The following NRG3 variants were observed in gnomAD, a reference collection of about 807,000 sequenced individuals.
NRG3 encodes the protein neuregulin 3, also known as pro-neuregulin-3, membrane-bound isoform.
In NRG3, 31 loss-of-function variants were observed where a neutral mutation model predicts 66.9. That is an observed-to-expected ratio of 0.46 (90% CI 0.35 to 0.63). NRG3 has a LOEUF of 0.63. Among genes scored for constraint, NRG3 ranks in the 20% least tolerant of loss-of-function variants. The probability of loss-of-function intolerance (pLI) is 0.00; values close to 1 mark genes in which losing one functional copy is unlikely to be tolerated. For synonymous variants in NRG3, 393 were observed against 359.4 expected (o/e 1.09, Z -1.06); for missense variants, 910 against 878.9 (o/e 1.04, Z -0.45).
At position 82,388,868 on chromosome 10, in the gene NRG3, T is replaced by A. The variant is rs186552656; in HGVS notation, c.953+30000T>A. Among the ~76,000 whole-genome samples, 735 of 152,308 alleles carry A rather than the reference T, an allele frequency of 4.8e-3. 16 individuals carry two copies. The highest frequency in any genetic ancestry group is 0.035 in the Admixed American group (528 of 15,280). ...TACCATCGGCATCAAAGTCATTTGC[T>A]GGAGTGTGTTAAAATAAATATTTTC... On this transcript the variant is annotated intron_variant, in intron 2 of 8. Coordinates refer to ENST00000372141, the MANE Select transcript of NRG3 (RefSeq NM_001010848.4).
In NRG3 at chr10:82,958,706, T is replaced by A. The variant is rs12413859; in HGVS notation, c.1158-243T>A. On this transcript the variant is annotated intron_variant, in intron 5 of 8. Transcript: ENST00000372141. ...ATGGGGGCCAGGGCAATGCACTAAA[T>A]GTTTGTCTGCTTTTGGGGTGCCACT... Among the ~76,000 whole-genome samples the A allele has an allele frequency of 3.8e-3, 572 of 152,316 alleles. 14 individuals are homozygous for A. Among genetic ancestry groups the A allele is most frequent in the Admixed American group, 0.03 (465 of 15,294 alleles).
At chr10:82,793,070 T>C (rs1423817415) in intron 3 of NRG3, among the ~76,000 whole-genome samples, 2 of 152,142 alleles carry the variant, frequency 1.3e-5, no homozygotes, top group Non-Finnish European at 2.9e-5. Context: ...GGGTTTTTTA[T>C]TTTGGTTTTT....
rs1481798669 is a variant in NRG3, at chr10:82,586,828, A to G, written c.954-151749A>G. Among the ~76,000 whole-genome samples, 4 of 152,194 alleles carry G rather than the reference A, an allele frequency of 2.6e-5. No homozygotes were observed. In the East Asian group the frequency reaches 5.8e-4, roughly 22 times the overall value. On this transcript the variant is annotated intron_variant, in intron 2 of 8. Transcript: ENST00000372141. ...GCTCAGGCTTGTAGAATTTATGTAT[A>G]TTGTTAACAATTTTAATGATTTTGA...
At chr10:82,789,464 G>C (rs1340021650) in intron 3 of NRG3, among the ~76,000 whole-genome samples, 1 of 151,988 alleles carries the variant, frequency 6.6e-6, no homozygotes, top group African/African-American at 2.4e-5. Flanking sequence ...ATTATTTGAA[G>C]TTTATTTTGC....
chr10:82,656,050 G>A (rs959409414), intron 2 of NRG3, among the ~76,000 whole-genome samples: 1 of 152,168 alleles, frequency 6.6e-6, no homozygotes, highest in Non-Finnish European at 1.5e-5. Context: ...AGGATAGTCA[G>A]GAAACTGTTA....
At chr10:82,373,340 C>T (rs922307937) in intron 2 of NRG3, among the ~76,000 whole-genome samples, 2 of 152,174 alleles carry the variant, frequency 1.3e-5, no homozygotes, top group Non-Finnish European at 2.9e-5. Context: ...AGCTGTAGAC[C>T]ATTAAACAAA....
intron 2 of NRG3, among the ~76,000 whole-genome samples, chr10:82,586,966 T>A (rs2046711958): frequency 6.6e-6 from 1 of 152,210 alleles, no homozygotes. Context: ...TCATGTTTTT[T>A]AAATGATACT....
intron 2 of NRG3, among the ~76,000 whole-genome samples, chr10:82,713,119 CAAAAAAAAAA>C (rs369968319): frequency 2.0e-4 from 11 of 55,346 alleles, no homozygotes; most frequent in African/African-American, 7.5e-4. Flanking sequence ...GACTTCATCT[CAAAAAAAAAA>C]AAAAAAAAAA....
At position 82,421,528 on chromosome 10, in the gene NRG3, A is replaced by T. The variant is rs1158834352; in HGVS notation, c.953+62660A>T. 2.0e-5 allele frequency among the ~76,000 whole-genome samples: 3 copies of T among 152,098 alleles called. No individual in the cohort carries two copies. In the East Asian group the frequency reaches 5.8e-4, roughly 29 times the overall value. Reference sequence around the variant, plus strand: ...AAAAAAAAAGTCTATTATGTAAGAGATCTGGATCACCCCCAGCAGATGTAG... The same window carrying T: ...AAAAAAAAAGTCTATTATGTAAGAGTTCTGGATCACCCCCAGCAGATGTAG... On this transcript the variant is annotated intron_variant, in intron 2 of 8. Transcript: ENST00000372141.
chr10:82,924,429 G>T (rs1846776416), intron 4 of NRG3, among the ~76,000 whole-genome samples: 1 of 152,112 alleles, frequency 6.6e-6, no homozygotes, highest in Non-Finnish European at 1.5e-5. Flanking sequence ...CGGTGGTAAT[G>T]AGGAAGGGGT....
chr10:82,248,931 G>A (rs1426566200), intron 1 of NRG3, among the ~76,000 whole-genome samples: 1 of 152,046 alleles, frequency 6.6e-6, no homozygotes, highest in African/African-American at 2.4e-5. Context: ...CAGTACTGAT[G>A]TCTCCCTTCC....
chr10:82,662,761 T>A (rs1410868600), intron 2 of NRG3, among the ~76,000 whole-genome samples: 1 of 152,130 alleles, frequency 6.6e-6, no homozygotes, highest in African/African-American at 2.4e-5. Context: ...AGGGTAGAAG[T>A]ACATCTCTCC....
intron 1 of NRG3, among the ~76,000 whole-genome samples, chr10:82,273,626 TA>T (rs1422109699): frequency 6.6e-6 from 1 of 152,010 alleles, no homozygotes; most frequent in Non-Finnish European, 1.5e-5. Context: ...ATATCCATTT[TA>T]AAAAATTTTC....
chr10:82,205,443 C>T (rs1197329503), intron 1 of NRG3, among the ~76,000 whole-genome samples: 1 of 152,044 alleles, frequency 6.6e-6, no homozygotes, highest in Non-Finnish European at 1.5e-5. Flanking sequence ...CAGATTACGT[C>T]CACGAATATA....
chr10:82,224,488 A>G (rs936466762), intron 1 of NRG3: 52 of 152,364 alleles, frequency 3.4e-4, no homozygotes, highest in African/African-American at 1.2e-3. Context: ...TGACCTGACG[A>G]TAGTGACTCT....
chr10:82,166,298 C>A (rs2072056024), intron 1 of NRG3, among the ~76,000 whole-genome samples: 1 of 152,194 alleles, frequency 6.6e-6, no homozygotes, highest in Non-Finnish European at 1.5e-5. Context: ...GGATTACAGG[C>A]ATGAGCCACC....
At chr10:82,061,123 C>T (rs1027324165) in intron 1 of NRG3, among the ~76,000 whole-genome samples, 9 of 152,160 alleles carry the variant, frequency 5.9e-5, no homozygotes, top group Admixed American at 1.3e-4. Flanking sequence ...GAGGCAGAGG[C>T]GGGTGGATCA....
At chr10:82,077,632 A>T (rs552283698) in intron 1 of NRG3, among the ~76,000 whole-genome samples, 1 of 152,226 alleles carries the variant, frequency 6.6e-6, no homozygotes, top group Admixed American at 6.5e-5. Context: ...TAAAAGAAGG[A>T]TTTGACCAAT....
chr10:81,925,642 A>G (rs529066901), intron 1 of NRG3, among the ~76,000 whole-genome samples: 2 of 152,286 alleles, frequency 1.3e-5, no homozygotes, highest in South Asian at 4.1e-4. Context: ...CTGGATTTGA[A>G]TTAGCTGGAT....
Sources: allele counts gnomAD v4.1 joint callset (sites outside exome capture counted in the v4.1 genomes callset), GRCh38; gene constraint gnomAD v4.1.1; transcripts MANE v1.5; gene names NCBI Gene and HGNC (gene_info 2026-07-23, HGNC 2026-07-21).